The following TMEM131L variants were observed in gnomAD, a reference collection of about 807,000 sequenced individuals.
The protein encoded by TMEM131L is transmembrane protein 131-like.
Under a neutral mutation model 192.2 loss-of-function variants are expected in TMEM131L, and 54 were observed. The ratio of observed to expected loss-of-function variants is 0.28; its 90% confidence interval spans 0.23 to 0.35. TMEM131L has a LOEUF of 0.35. TMEM131L is among the 10% of genes least tolerant of loss of function. The probability of loss-of-function intolerance (pLI) is 1.00; values close to 1 mark genes in which losing one functional copy is unlikely to be tolerated. For synonymous variants in TMEM131L, 701 were observed against 704.9 expected (o/e 0.99, Z 0.09); for missense variants, 1,888 against 1,972.9 (o/e 0.96, Z 0.82).
intron 3 of TMEM131L, among the ~76,000 whole-genome samples, chr4:153,513,427 G>T (rs1241988509): frequency 1.3e-5 from 2 of 152,080 alleles, no homozygotes; most frequent in Admixed American, 1.3e-4. Flanking sequence ...ACTGAACTGG[G>T]GCAGAAGGGG....
intron 4 of TMEM131L, among the ~76,000 whole-genome samples, chr4:153,553,229 CAGGCA>C (rs1580200114): frequency 6.6e-6 from 1 of 152,224 alleles, no homozygotes; most frequent in East Asian, 1.9e-4. Flanking sequence ...CCAGTGAAGA[CAGGCA>C]TTATCTGAGT....
At chr4:153,635,728 C>G (rs1365600352) in intron 34 of TMEM131L, among the ~76,000 whole-genome samples, 157 bp downstream of exon 34, 2 of 152,240 alleles carry the variant, frequency 1.3e-5, no homozygotes, top group East Asian at 3.9e-4. Flanking sequence ...GCTGGCCACC[C>G]TCTGAAGGAA....
chr4:153,489,722 C>T (rs1168090749), intron 3 of TMEM131L, among the ~76,000 whole-genome samples: 2 of 152,092 alleles, frequency 1.3e-5, no homozygotes, highest in Admixed American at 1.3e-4. Context: ...ATGGTCCACC[C>T]ACCTTGGCCT....
chr4:153,557,712 T>A (rs1180084844), intron 6 of TMEM131L, among the ~76,000 whole-genome samples: 2 of 152,180 alleles, frequency 1.3e-5, no homozygotes, highest in Non-Finnish European at 2.9e-5. Context: ...ATTAAAGAGG[T>A]CCCATATCAG....
At chr4:153,484,820 TAA>T (rs1202314990) in intron 3 of TMEM131L, among the ~76,000 whole-genome samples, 2 of 125,736 alleles carry the variant, frequency 1.6e-5, no homozygotes, top group African/African-American at 3.0e-5. Context: ...CTTTGGAAAT[TAA>T]AAAAAAAAAA....
intron 3 of TMEM131L, among the ~76,000 whole-genome samples, chr4:153,481,403 C>T (rs1189580219): frequency 1.3e-5 from 2 of 152,228 alleles, no homozygotes; most frequent in African/African-American, 4.8e-5. Flanking sequence ...AATGCAAGCT[C>T]ATGCTTTTAC....
chr4:153,518,344 G>C (rs1341510331), intron 3 of TMEM131L, among the ~76,000 whole-genome samples: 1 of 152,208 alleles, frequency 6.6e-6, no homozygotes, highest in Non-Finnish European at 1.5e-5. Context: ...ATAGAAAGCT[G>C]TGTCCACCAG....
intron 7 of TMEM131L, among the ~76,000 whole-genome samples, chr4:153,561,185 T>G (rs775810495): frequency 2.6e-5 from 4 of 152,230 alleles, no homozygotes; most frequent in Non-Finnish European, 5.9e-5. Context: ...TATATCGTCT[T>G]TGGGGAAGTG....
Position 153,558,281 on chromosome 4 carries a change from A to C in TMEM131L, c.573A>C (p.Arg191Ser), listed in dbSNP as rs991952644. The C allele has an allele frequency of 1.1e-5, 18 of 1,599,894 alleles. No homozygotes were observed. The African/African-American group carries it at 2.4e-4, about 21-fold the overall frequency. ...AGGTATCTGGAATTGGCACTCGTAG[A>C]ATCTCTACAGAAGGGTCTGCAAAGC... ...SYHVSGIGTRRISTEGSAKQL... is the reference protein window; with the variant it reads ...SYHVSGIGTRSISTEGSAKQL... Residue 191 changes from arginine (R) to serine (S), a missense_variant, in exon 7 of 35, where the codon AGA (arginine) becomes AGC (serine). Arg to Ser is a moderately radical substitution (Grantham distance 110). Coordinates refer to ENST00000409959, the MANE Select transcript of TMEM131L (RefSeq NM_001131007.2).
intron 25 of TMEM131L, among the ~76,000 whole-genome samples, chr4:153,609,039 T>C (rs1732435322): frequency 6.6e-6 from 1 of 152,196 alleles, no homozygotes; most frequent in Non-Finnish European, 1.5e-5. Context: ...TTTTTAACTG[T>C]GGTACACTCT....
chr4:153,507,404 C>G (rs1053809475), intron 3 of TMEM131L, among the ~76,000 whole-genome samples: 3 of 152,148 alleles, frequency 2.0e-5, no homozygotes, highest in African/African-American at 7.2e-5. Flanking sequence ...GTCCCCCATG[C>G]TTGCTTTTTC....
chr4:153,466,701 G>T (rs972585794), intron 1 of TMEM131L, among the ~76,000 whole-genome samples, 180 bp downstream of exon 1: 1 of 152,182 alleles, frequency 6.6e-6, no homozygotes, highest in Non-Finnish European at 1.5e-5. Context: ...CCCGTCCCGC[G>T]CCTCTCTGCC....
intron 3 of TMEM131L, among the ~76,000 whole-genome samples, chr4:153,542,986 C>A (rs1365541475): frequency 6.6e-6 from 1 of 152,202 alleles, no homozygotes; most frequent in Non-Finnish European, 1.5e-5. Context: ...GGAAGGCCAG[C>A]CATCAACACG....
intron 31 of TMEM131L, 83 bp downstream of exon 31, chr4:153,627,770 G>C (rs1733951516): frequency 8.4e-7 from 1 of 1,191,032 alleles, no homozygotes; most frequent in Middle Eastern, 1.9e-4. Flanking sequence ...TGAGAAGACA[G>C]AGCAGGCGGG....
chr4:153,617,664 C>T (rs934882197), intron 26 of TMEM131L, among the ~76,000 whole-genome samples: 2 of 152,170 alleles, frequency 1.3e-5, no homozygotes, highest in Non-Finnish European at 2.9e-5. Context: ...AATGTCTAAC[C>T]TAGTTCTGCT....
chr4:153,539,621 A>G (rs1374880581), intron 3 of TMEM131L, among the ~76,000 whole-genome samples: 1 of 150,066 alleles, frequency 6.7e-6, no homozygotes, highest in Non-Finnish European at 1.5e-5. Flanking sequence ...ACATGTTAGT[A>G]TTGTGCTCGA....
intron 3 of TMEM131L, among the ~76,000 whole-genome samples, chr4:153,508,141 A>C (rs1192131275): frequency 2.0e-5 from 3 of 152,218 alleles, no homozygotes; most frequent in Non-Finnish European, 1.5e-5. Context: ...GGAAAAAGTC[A>C]TTTAGCATTA....
rs1044198437 is a variant in TMEM131L, at chr4:153,628,943, C to T, written c.4207+1256C>T. 3.3e-5 allele frequency among the ~76,000 whole-genome samples: 5 copies of T among 152,174 alleles called. No homozygotes were observed. The South Asian group carries it at 8.3e-4, about 25-fold the overall frequency. On this transcript the variant is annotated intron_variant, in intron 31 of 34. Transcript: ENST00000409959. ...AGTCTGTTGCCTGCAAAGCTGTGGGCCCATCACCTTTGTACTCCCTCACCT... is the reference window on the plus strand; with the variant it reads ...AGTCTGTTGCCTGCAAAGCTGTGGGTCCATCACCTTTGTACTCCCTCACCT...
chr4:153,563,386 C>T (rs1012478336), intron 7 of TMEM131L, among the ~76,000 whole-genome samples: 1 of 145,078 alleles, frequency 6.9e-6, no homozygotes, highest in Non-Finnish European at 1.5e-5. Context: ...GGTAACTGAT[C>T]TTTTGCTGCT....
Sources: gnomAD v4.1 joint callset for allele counts (sites outside exome capture counted in the v4.1 genomes callset) on GRCh38, gnomAD v4.1.1 for gene constraint, MANE v1.5 for transcripts, NCBI Gene and HGNC (gene_info 2026-07-23, HGNC 2026-07-21) for gene names.